The following DPF3 variants were observed in gnomAD, a reference collection of about 807,000 sequenced individuals.
DPF3 encodes the protein zinc finger protein DPF3.
DPF3 carries 18 observed loss-of-function variants against 56.8 expected under a neutral mutation model. The ratio of observed to expected loss-of-function variants is 0.32; its 90% confidence interval spans 0.22 to 0.47. The LOEUF (loss-of-function observed/expected upper bound fraction) is 0.47. Ranked by LOEUF, DPF3 falls within the 20% of genes least tolerant of loss-of-function variation. The pLI is 1.00. For missense variants in DPF3, 403 were observed against 488.8 expected (o/e 0.82, Z 1.65); for synonymous variants, 188 against 180.2 (o/e 1.04, Z -0.35).
intron 1 of DPF3, among the ~76,000 whole-genome samples, chr14:72,826,287 T>G (rs1410120354): frequency 6.6e-6 from 1 of 152,202 alleles, no homozygotes; most frequent in Non-Finnish European, 1.5e-5. Flanking sequence ...GATAATGGTT[T>G]TTAATGGCCC....
At chr14:72,631,883 C>T (rs1885190695) in intron 8 of DPF3, among the ~76,000 whole-genome samples, 1 of 152,174 alleles carries the variant, frequency 6.6e-6, no homozygotes, top group South Asian at 2.1e-4. Context: ...GACAAGGAAA[C>T]CTTCCCTGAG....
rs867610161 is a variant in DPF3, at chr14:72,612,993, C to T, written c.*6304G>A. ...TTTCCCTTTGGTTCATTAAGTAGGGCGTGTGTGTGTGTGTGTGTGTGTGTG... is the reference window on the plus strand; with the variant it reads ...TTTCCCTTTGGTTCATTAAGTAGGGTGTGTGTGTGTGTGTGTGTGTGTGTG... On this transcript the variant is annotated 3_prime_UTR_variant, in exon 11 of 11. Coordinates refer to ENST00000556509, the MANE Select transcript of DPF3 (RefSeq NM_001280542.3). Among the ~76,000 whole-genome samples the T allele has an allele frequency of 2.7e-4, 40 of 148,954 alleles. No homozygotes were observed. Among genetic ancestry groups the T allele is most frequent in the Non-Finnish European group, 3.1e-4 (21 of 67,228 alleles).
chr14:72,702,380 G>A (rs1888207971), intron 6 of DPF3, among the ~76,000 whole-genome samples: 1 of 152,078 alleles, frequency 6.6e-6, no homozygotes, highest in Admixed American at 6.5e-5. Flanking sequence ...GCCTGGCTCT[G>A]GGAACCCCAT....
intron 1 of DPF3, among the ~76,000 whole-genome samples, chr14:72,794,474 G>A (rs530029287): frequency 1.1e-4 from 17 of 152,292 alleles, no homozygotes; most frequent in African/African-American, 3.4e-4. Context: ...TCAAGCCAGC[G>A]GGGTCAGCAG....
At chr14:72,823,904 C>T (rs762815284) in intron 1 of DPF3, among the ~76,000 whole-genome samples, 6 of 152,164 alleles carry the variant, frequency 3.9e-5, no homozygotes, top group Non-Finnish European at 8.8e-5. Context: ...GCTATGCTTC[C>T]TTCCAGCTGT....
chr14:72,856,903 G>C (rs1304266157), intron 1 of DPF3, among the ~76,000 whole-genome samples: 2 of 152,224 alleles, frequency 1.3e-5, no homozygotes, highest in African/African-American at 4.8e-5. Context: ...AATGTGGGGC[G>C]AGGACTTAGG....
At chr14:72,709,916 C>T (rs919697186) in intron 6 of DPF3, among the ~76,000 whole-genome samples, 1 of 152,166 alleles carries the variant, frequency 6.6e-6, no homozygotes, top group Admixed American at 6.5e-5. Flanking sequence ...GAAAACACTT[C>T]GAGGAAAAAA....
At chr14:72,806,303 CG>C (rs1882780392) in intron 1 of DPF3, among the ~76,000 whole-genome samples, 1 of 152,180 alleles carries the variant, frequency 6.6e-6, no homozygotes, top group Non-Finnish European at 1.5e-5. Flanking sequence ...GCTCAACCAA[CG>C]TATGACAGTA....
intron 8 of DPF3, among the ~76,000 whole-genome samples, chr14:72,638,722 C>T (rs1431091214): frequency 6.6e-6 from 1 of 152,176 alleles, no homozygotes; most frequent in Non-Finnish European, 1.5e-5. Context: ...AAAATGCTTT[C>T]CTATCCTTTT....
chr14:72,780,137 T>C (rs1891913760), intron 1 of DPF3, among the ~76,000 whole-genome samples: 1 of 152,210 alleles, frequency 6.6e-6, no homozygotes, highest in Non-Finnish European at 1.5e-5. Context: ...GCCCTACCCC[T>C]GAATCTCAAC....
chr14:72,667,892 A>C (rs1383338447), intron 8 of DPF3, among the ~76,000 whole-genome samples: 2 of 152,240 alleles, frequency 1.3e-5, no homozygotes, highest in Non-Finnish European at 2.9e-5. Flanking sequence ...GGGGCAATGC[A>C]GGCAACGATA....
rs60391087 is a variant in DPF3, at chr14:72,774,263, A to G, written c.33-2370T>C. Among the ~76,000 whole-genome samples the G allele has an allele frequency of 5.4e-3, 270 of 50,306 alleles. 2 individuals carry two copies. Among genetic ancestry groups the G allele is most frequent in the African/African-American group, 0.028 (262 of 9,446 alleles). The allele number at this position is 50,306 out of a possible 152,430, so 33.0% of individuals were successfully genotyped here. A position where few individuals can be genotyped will look rare whatever the true frequency, so the allele number is the denominator to read the frequency against. The stretch of plus-strand genomic sequence containing the variant: ...TGGGCGACAGGGTGAGACTCTGTCT[A>G]AAAAAAAAAAAAAAAAAAAAAAAAA... On this transcript the variant is annotated intron_variant, in intron 1 of 10. Coordinates refer to ENST00000556509, the MANE Select transcript of DPF3 (RefSeq NM_001280542.3).
intron 1 of DPF3, among the ~76,000 whole-genome samples, chr14:72,802,712 T>C (rs1393909358): frequency 2.0e-5 from 3 of 152,224 alleles, no homozygotes; most frequent in African/African-American, 7.2e-5. Flanking sequence ...AGGGAATACA[T>C]TTGTATATTT....
At chr14:72,837,938 G>A (rs1303744353) in intron 1 of DPF3, among the ~76,000 whole-genome samples, 1 of 152,174 alleles carries the variant, frequency 6.6e-6, no homozygotes, top group Non-Finnish European at 1.5e-5. Context: ...ATCCTTGAGT[G>A]AAGACCCCAG....
At chr14:72,662,045 G>A (rs148247311) in intron 8 of DPF3, 3 of 984,920 alleles carry the variant, frequency 3.0e-6, no homozygotes, top group African/African-American at 3.5e-5. Context: ...GGGTGAGGGG[G>A]CAATGAGGGT....
intron 5 of DPF3, among the ~76,000 whole-genome samples, chr14:72,720,708 C>A (rs1369292862): frequency 6.6e-6 from 1 of 152,170 alleles, no homozygotes; most frequent in Non-Finnish European, 1.5e-5. Context: ...GAGGAGAAAG[C>A]ACAGACCTGT....
intron 7 of DPF3, among the ~76,000 whole-genome samples, chr14:72,682,970 G>A (rs1241281738): frequency 6.6e-6 from 1 of 152,232 alleles, no homozygotes; most frequent in East Asian, 1.9e-4. Context: ...TTGACTGACT[G>A]AACATCAGTC....
At chr14:72,689,950 C>A (rs1438889213) in intron 7 of DPF3, among the ~76,000 whole-genome samples, 7 of 152,198 alleles carry the variant, frequency 4.6e-5, no homozygotes, top group Non-Finnish European at 8.8e-5. Flanking sequence ...GATTCTGGAA[C>A]CTTCTTCGTG....
At chr14:72,662,077 G>T in intron 8 of DPF3, 1 of 984,916 alleles carries the variant, frequency 1.0e-6, no homozygotes. Flanking sequence ...CTGATTTGTG[G>T]CTAAGTTATT....
Sources: gnomAD v4.1 joint callset for allele counts (sites outside exome capture counted in the v4.1 genomes callset) on GRCh38, gnomAD v4.1.1 for gene constraint, MANE v1.5 for transcripts, NCBI Gene and HGNC (gene_info 2026-07-23, HGNC 2026-07-21) for gene names.